Variants in SIRT5 observed in about 807,000 individuals in gnomAD.
The protein encoded by SIRT5 is NAD-dependent protein deacylase sirtuin-5, mitochondrial.
In SIRT5, 26 loss-of-function variants were observed where a neutral mutation model predicts 40.0. The observed-to-expected ratio is 0.65, with a 90% CI of 0.48 to 0.90. SIRT5 has a LOEUF of 0.90. Among genes scored for constraint, SIRT5 ranks in the 40% least tolerant of loss-of-function variants. The pLI is 0.00. For missense variants in SIRT5, 401 were observed against 402.4 expected, an observed-to-expected ratio of 1.00 and a Z score of 0.03; for synonymous variants, 146 against 149.1, an observed-to-expected ratio of 0.98 and a Z score of 0.15.
intron 9 of SIRT5, among the ~76,000 whole-genome samples, chr6:13,608,631 A>G (rs114574863): frequency 1.2e-3 from 190 of 152,034 alleles, no homozygotes; most frequent in African/African-American, 4.5e-3. Context: ...TTTACTGACT[A>G]CCTATTATAC....
chr6:13,590,418 TA>T (rs1760701855), intron 4 of SIRT5, among the ~76,000 whole-genome samples: 1 of 152,224 alleles, frequency 6.6e-6, no homozygotes, highest in African/African-American at 2.4e-5. Flanking sequence ...ATACACTTTT[TA>T]TGTGTAGCTG....
intron 9 of SIRT5, among the ~76,000 whole-genome samples, chr6:13,602,259 A>C (rs1762489516): frequency 1.3e-5 from 2 of 152,246 alleles, no homozygotes; most frequent in African/African-American, 4.8e-5. Context: ...TCTAAAATTC[A>C]TATGAAAATG....
At chr6:13,590,477 A>G (rs1370118486) in intron 4 of SIRT5, among the ~76,000 whole-genome samples, 1 of 151,814 alleles carries the variant, frequency 6.6e-6, no homozygotes, top group Non-Finnish European at 1.5e-5. Context: ...GTAGCTGTGT[A>G]TATATGTAGA....
intron 1 of SIRT5, among the ~76,000 whole-genome samples, chr6:13,578,024 A>G (rs1758847861): frequency 6.6e-6 from 1 of 152,142 alleles, no homozygotes; most frequent in Non-Finnish European, 1.5e-5. Flanking sequence ...AAAGATGTTG[A>G]ATTTTGTCAC....
intron 9 of SIRT5, chr6:13,605,261 G>T: frequency 1.1e-6 from 1 of 869,592 alleles, no homozygotes; most frequent in Non-Finnish European, 1.4e-6. Flanking sequence ...GTGGCCATAT[G>T]TTTGTATATT....
chr6:13,583,105 A>T (rs542069894), intron 2 of SIRT5, among the ~76,000 whole-genome samples: 7 of 151,778 alleles, frequency 4.6e-5, no homozygotes, highest in African/African-American at 1.7e-4. Context: ...ACTGGGGAGG[A>T]TGGGGTGGGA....
intron 5 of SIRT5, among the ~76,000 whole-genome samples, chr6:13,593,359 T>C (rs776368484): frequency 6.6e-6 from 1 of 152,202 alleles, no homozygotes; most frequent in Non-Finnish European, 1.5e-5. Context: ...TGTGTCTGTC[T>C]TTTGTTCATC....
intron 2 of SIRT5, among the ~76,000 whole-genome samples, chr6:13,583,614 C>T (rs918594404): frequency 4.6e-5 from 7 of 152,190 alleles, no homozygotes; most frequent in African/African-American, 1.7e-4. Flanking sequence ...TGAAAAGCAG[C>T]AAGTTTTCAA....
At chr6:13,601,299 C>T (rs1163001037) in intron 9 of SIRT5, among the ~76,000 whole-genome samples, 1 of 152,162 alleles carries the variant, frequency 6.6e-6, no homozygotes. Flanking sequence ...TGGGAGATGC[C>T]CTTGCAGAAC....
chr6:13,605,569 C>G (rs1762996045), intron 9 of SIRT5: 1 of 985,342 alleles, frequency 1.0e-6, no homozygotes, highest in Non-Finnish European at 1.2e-6. Flanking sequence ...CAGTTCTAAT[C>G]TAGTGACAAA....
chr6:13,604,545 G>T (rs1762848059), intron 9 of SIRT5: 2 of 1,580,528 alleles, frequency 1.3e-6, no homozygotes, highest in East Asian at 4.5e-5. Flanking sequence ...AGAAAAGCAA[G>T]AAAATGCAGA....
chr6:13,602,889 C>A (rs1762585802), intron 9 of SIRT5, among the ~76,000 whole-genome samples: 1 of 152,026 alleles, frequency 6.6e-6, no homozygotes, highest in South Asian at 2.1e-4. Flanking sequence ...AGATATGACA[C>A]CAAAAGAGCA....
chr6:13,614,609 C>G lies in SIRT5; in HGVS notation c.*2744C>G, dbSNP rs546478011. 1 of 152,338 alleles carries G rather than the reference C, an allele frequency of 6.6e-6. No homozygotes were observed. The highest frequency in any genetic ancestry group is 2.4e-5 in the African/African-American group (1 of 41,574). The allele number at this position is 152,338 out of a possible 1,614,324, so 9.4% of individuals were successfully genotyped here. A position where few individuals can be genotyped will look rare whatever the true frequency, so the allele number is the denominator to read the frequency against. On this transcript the variant is annotated 3_prime_UTR_variant, in exon 10 of 10. Transcript: ENST00000606117. ...CTCGGGTGCATTCTCTAGGGACCGG[C>G]GAAGCCATTCTTTCAGGAGATATGC...
At chr6:13,596,253 A>G (rs774390663) in intron 6 of SIRT5, among the ~76,000 whole-genome samples, 1 of 152,162 alleles carries the variant, frequency 6.6e-6, no homozygotes, top group African/African-American at 2.4e-5. Context: ...TATTATGAAC[A>G]TGTACTATTA....
chr6:13,603,882 C>T (rs1762745495), intron 9 of SIRT5, among the ~76,000 whole-genome samples: 1 of 152,180 alleles, frequency 6.6e-6, no homozygotes, highest in African/African-American at 2.4e-5. Context: ...ACGAGATATC[C>T]ATACATGCTA....
chr6:13,577,240 G>T (rs1758746251), intron 1 of SIRT5, among the ~76,000 whole-genome samples: 2 of 152,142 alleles, frequency 1.3e-5, no homozygotes, highest in South Asian at 4.1e-4. Context: ...ATTGCTTTGG[G>T]TAGTATGGAC....
chr6:13,584,275 G>T, intron 3 of SIRT5, 50 bp downstream of exon 3: 2 of 1,304,910 alleles, frequency 1.5e-6, no homozygotes, highest in Non-Finnish European at 1.1e-6. Flanking sequence ...TGAAGTACCT[G>T]AAAGTCCTAC....
At chr6:13,603,883 A>ATAC (rs1762746542) in intron 9 of SIRT5, among the ~76,000 whole-genome samples, 1 of 152,392 alleles carries the variant, frequency 6.6e-6, no homozygotes, top group East Asian at 1.9e-4. Context: ...CGAGATATCC[A>ATAC]TACATGCTAC....
chr6:13,610,029 A>G (rs900306326), intron 9 of SIRT5, among the ~76,000 whole-genome samples: 6 of 152,164 alleles, frequency 3.9e-5, no homozygotes, highest in African/African-American at 7.2e-5. Context: ...GTACAGTGGT[A>G]TAATCATAAC....
Sources: gnomAD v4.1 joint callset for allele counts (sites outside exome capture counted in the v4.1 genomes callset) on GRCh38, gnomAD v4.1.1 for gene constraint, MANE v1.5 for transcripts, NCBI Gene and HGNC (gene_info 2026-07-23, HGNC 2026-07-21) for gene names.